The following TTC27 variants were observed in gnomAD, a reference collection of about 807,000 sequenced individuals.
TTC27 encodes the protein tetratricopeptide repeat domain 27.
TTC27 carries 79 observed loss-of-function variants against 115.9 expected under a neutral mutation model. The ratio of observed to expected loss-of-function variants is 0.68; its 90% CI spans 0.57 to 0.82. The LOEUF (loss-of-function observed/expected upper bound fraction) is 0.82. Ranked by LOEUF, TTC27 falls within the 40% of genes least tolerant of loss-of-function variation. The probability of loss-of-function intolerance (pLI) is 0.00; values close to 1 mark genes in which losing one functional copy is unlikely to be tolerated. For missense variants in TTC27, 1,054 were observed against 993.1 expected (o/e 1.06, Z -0.82); for synonymous variants, 401 against 356.0 (o/e 1.13, Z -1.42).
intron 14 of TTC27, among the ~76,000 whole-genome samples, chr2:32,780,948 T>A (rs1233371131): frequency 6.6e-6 from 1 of 152,030 alleles, no homozygotes; most frequent in Non-Finnish European, 1.5e-5. Context: ...GGGGCGTATA[T>A]GCATGCCAGG....
At chr2:32,728,027 A>G (rs1572554098) in intron 10 of TTC27, among the ~76,000 whole-genome samples, 1 of 144,268 alleles carries the variant, frequency 6.9e-6, no homozygotes, top group African/African-American at 2.5e-5. Context: ...GCCTCCTGAG[A>G]GGACTGCCTC....
chr2:32,698,074 G>A (rs1290984634), intron 9 of TTC27, among the ~76,000 whole-genome samples: 3 of 152,066 alleles, frequency 2.0e-5, no homozygotes, highest in African/African-American at 2.4e-5. Context: ...TACAAAGCAT[G>A]GTAGCACATT....
At chr2:32,692,890 C>T (rs1198526607) in intron 9 of TTC27, among the ~76,000 whole-genome samples, 1 of 151,374 alleles carries the variant, frequency 6.6e-6, no homozygotes, top group Non-Finnish European at 1.5e-5. Flanking sequence ...GCAGGAGAAT[C>T]GTGTGAACCC....
chr2:32,654,287 C>T (rs1262577363), intron 5 of TTC27, among the ~76,000 whole-genome samples: 1 of 152,164 alleles, frequency 6.6e-6, no homozygotes, highest in Non-Finnish European at 1.5e-5. Context: ...AGTGTATACA[C>T]CACATCAAGC....
intron 5 of TTC27, among the ~76,000 whole-genome samples, chr2:32,659,306 A>T (rs1454010975): frequency 6.6e-6 from 1 of 151,436 alleles, no homozygotes; most frequent in Non-Finnish European, 1.5e-5. Flanking sequence ...TTCTCTCTGA[A>T]GAAAACTTGT....
chr2:32,672,324 G>A lies in TTC27; in HGVS notation c.992G>A (p.Cys331Tyr). ...CTGAATGACATAAAGTTAGCAGATT[G>A]TGAACAGTTCCAGATGCCGGATCTG... ...TILNDIKLAD[C>Y]EQFQMPDLCA... The change falls in exon 8 of 20, where the codon TGT (cysteine) becomes TAT (tyrosine). Residue 331 changes from cysteine (C) to tyrosine (Y), a missense_variant. Transcript: ENST00000317907. 6.2e-7 allele frequency: 1 copy of A among 1,613,974 alleles called. No homozygotes were observed. The highest frequency in any genetic ancestry group is 1.1e-5 in the South Asian group (1 of 91,074).
At position 32,771,291 on chromosome 2, in the gene TTC27, G is replaced by A. The variant is rs573307216; in HGVS notation, c.1681-6591G>A. ...GTAAGTTCGCAATAATAGATGTTAC[G>A]TAGTCGTTCTTTTCTTTTCTGCCTG... On this transcript the variant is annotated intron_variant, in intron 13 of 19. Transcript: ENST00000317907. Among the ~76,000 whole-genome samples the A allele has an allele frequency of 4.5e-4, 68 of 152,280 alleles. No homozygotes were observed. In the South Asian group the frequency reaches 6.2e-3, roughly 14 times the overall value.
intron 16 of TTC27, among the ~76,000 whole-genome samples, chr2:32,791,718 G>T (rs1670543557): frequency 6.6e-6 from 1 of 151,960 alleles, no homozygotes; most frequent in Non-Finnish European, 1.5e-5. Flanking sequence ...GACATAATGT[G>T]CAGATAATAA....
intron 10 of TTC27, among the ~76,000 whole-genome samples, chr2:32,726,270 C>T (rs980887486): frequency 3.3e-5 from 5 of 152,218 alleles, no homozygotes; most frequent in African/African-American, 1.2e-4. Flanking sequence ...TTTTCTATCG[C>T]ATTGGCAGGC....
intron 8 of TTC27, among the ~76,000 whole-genome samples, chr2:32,675,206 G>T (rs1327267655): frequency 6.6e-6 from 1 of 152,170 alleles, no homozygotes; most frequent in Non-Finnish European, 1.5e-5. Flanking sequence ...GAATTACAGA[G>T]TGGCAATTAG....
chr2:32,762,219 G>T (rs897641272), intron 13 of TTC27, among the ~76,000 whole-genome samples: 5 of 152,136 alleles, frequency 3.3e-5, no homozygotes, highest in African/African-American at 1.2e-4. Flanking sequence ...AAGTGCAGTG[G>T]TGGGGGCATT....
At chr2:32,778,106 G>A (rs561254922) in intron 14 of TTC27, 126 bp downstream of exon 14, 28 of 698,094 alleles carry the variant, frequency 4.0e-5, no homozygotes, top group African/African-American at 3.6e-4. Flanking sequence ...AGGGAAGGTC[G>A]TACCTCAAGG....
chr2:32,656,690 A>G lies in TTC27; in HGVS notation c.640+6457A>G, dbSNP rs1665333445. Among the ~76,000 whole-genome samples, 4 of 152,206 alleles carry G rather than the reference A, an allele frequency of 2.6e-5. No individual in the cohort carries two copies. In the South Asian group the frequency reaches 8.3e-4, roughly 32 times the overall value. ...GCCTATACCAGTGGATGAGACACAC[A>G]TGGACCCCTCCTTGGTAAACCTTAC... On this transcript the variant is annotated intron_variant, in intron 5 of 19. Transcript: ENST00000317907.
At chr2:32,661,352 C>T (rs565948602) in intron 5 of TTC27, among the ~76,000 whole-genome samples, 166 of 152,204 alleles carry the variant, frequency 1.1e-3, no homozygotes, top group Middle Eastern at 6.8e-3. Flanking sequence ...CTATAAATTA[C>T]TTTGGGCAAT....
At chr2:32,697,909 G>A (rs1221503723) in intron 9 of TTC27, among the ~76,000 whole-genome samples, 2 of 151,930 alleles carry the variant, frequency 1.3e-5, no homozygotes, top group African/African-American at 2.4e-5. Context: ...GCACTAGCAC[G>A]CCCAGTTAAT....
chr2:32,659,427 A>T (rs1399048213), intron 5 of TTC27, among the ~76,000 whole-genome samples: 1 of 134,954 alleles, frequency 7.4e-6, no homozygotes, highest in Non-Finnish European at 1.6e-5. Flanking sequence ...CCAATTTAAT[A>T]TTTGGTTCTA....
chr2:32,698,913 T>C (rs921040464), intron 9 of TTC27, among the ~76,000 whole-genome samples: 7 of 152,208 alleles, frequency 4.6e-5, no homozygotes, highest in East Asian at 1.9e-4. Flanking sequence ...TAACTAGTTA[T>C]TATTTACAAT....
chr2:32,669,867 C>G (rs1210017423), intron 7 of TTC27, among the ~76,000 whole-genome samples: 1 of 119,638 alleles, frequency 8.4e-6, no homozygotes, highest in Admixed American at 1.0e-4. Context: ...GCCTAGGTGA[C>G]TAAGTGAGAC....
intron 9 of TTC27, among the ~76,000 whole-genome samples, chr2:32,701,883 G>A (rs1057505380): frequency 2.6e-5 from 4 of 151,840 alleles, no homozygotes; most frequent in African/African-American, 9.7e-5. Context: ...TGGTGGTACA[G>A]GCCTGCCGTC....
Sources: gnomAD v4.1 joint callset for allele counts (sites outside exome capture counted in the v4.1 genomes callset) on GRCh38, gnomAD v4.1.1 for gene constraint, MANE v1.5 for transcripts, NCBI Gene and HGNC (gene_info 2026-07-23, HGNC 2026-07-21) for gene names.